Variants in ITGA9 observed in about 807,000 individuals in gnomAD.
The protein encoded by ITGA9 is integrin alpha-9.
Under a neutral mutation model 127.8 loss-of-function variants are expected in ITGA9, and 56 were observed. The observed-to-expected ratio is 0.44, with a 90% CI of 0.35 to 0.55. The LOEUF (loss-of-function observed/expected upper bound fraction) is 0.55, where lower values mean the gene tolerates loss of function less well. Ranked by LOEUF, ITGA9 falls within the 20% of genes least tolerant of loss-of-function variation. ITGA9 has a pLI of 0.00. For missense variants in ITGA9, 1,196 were observed against 1,347.1 expected (o/e 0.89, Z 1.76); for synonymous variants, 508 against 514.5 (o/e 0.99, Z 0.17).
intron 18 of ITGA9, among the ~76,000 whole-genome samples, chr3:37,718,330 C>T (rs1273659633): frequency 1.3e-5 from 2 of 152,186 alleles, no homozygotes; most frequent in Non-Finnish European, 1.5e-5. Context: ...TTGGAGCCAG[C>T]CATGGTCTGC....
intron 20 of ITGA9, among the ~76,000 whole-genome samples, chr3:37,738,770 A>G (rs1327911770): frequency 6.6e-6 from 1 of 152,226 alleles, no homozygotes; most frequent in Non-Finnish European, 1.5e-5. Flanking sequence ...GGAATGTGAC[A>G]TGGAAGAGAT....
At chr3:37,749,525 G>GTCTTA (rs750323079) in intron 22 of ITGA9, 2 of 152,278 alleles carry the variant, frequency 1.3e-5, no homozygotes, top group Non-Finnish European at 2.9e-5. Flanking sequence ...TGTCTCTAGA[G>GTCTTA]ATCTACTCAC....
At chr3:37,772,046 C>A (rs1696850975) in intron 23 of ITGA9, among the ~76,000 whole-genome samples, 1 of 152,142 alleles carries the variant, frequency 6.6e-6, no homozygotes, top group African/African-American at 2.4e-5. Flanking sequence ...CTGTGGCCTG[C>A]TACCTGGGGA....
In ITGA9 at chr3:37,670,295, C is replaced by A. The variant is rs78880234; in HGVS notation, c.1917-13570C>A. ...TATATGCCTTCAGAAACACCATGCT[C>A]ACCTTTCCTCCTGCTGTCCTAGGCT... On this transcript the variant is annotated intron_variant, in intron 17 of 27. Coordinates refer to ENST00000264741, the MANE Select transcript of ITGA9 (RefSeq NM_002207.3). Among the ~76,000 whole-genome samples the A allele has an allele frequency of 3.1e-4, 47 of 152,230 alleles. No individual in the cohort carries two copies. In the East Asian group the frequency reaches 8.7e-3, roughly 28 times the overall value.
At chr3:37,488,400 G>T (rs1698632604) in intron 4 of ITGA9, among the ~76,000 whole-genome samples, 1 of 152,044 alleles carries the variant, frequency 6.6e-6, no homozygotes, top group South Asian at 2.1e-4. Flanking sequence ...TTATGTGCCT[G>T]TATTATTACT....
chr3:37,639,717 G>A (rs935396224), intron 16 of ITGA9, among the ~76,000 whole-genome samples: 1 of 152,166 alleles, frequency 6.6e-6, no homozygotes, highest in Non-Finnish European at 1.5e-5. Flanking sequence ...TTAAGAAAGA[G>A]CTTGTTGCAG....
intron 15 of ITGA9, among the ~76,000 whole-genome samples, chr3:37,588,395 C>G (rs2125613726): frequency 6.7e-6 from 1 of 150,190 alleles, no homozygotes; most frequent in Non-Finnish European, 1.5e-5. Context: ...GTGTGGACAC[C>G]CATCCAAGCT....
intron 15 of ITGA9, among the ~76,000 whole-genome samples, chr3:37,564,228 C>T (rs1387973017): frequency 2.0e-5 from 3 of 152,086 alleles, no homozygotes; most frequent in African/African-American, 7.2e-5. Flanking sequence ...GGCTTTATGC[C>T]TTCATATACC....
chr3:37,810,438 C>CA (rs1166064088), intron 27 of ITGA9, among the ~76,000 whole-genome samples: 2 of 150,340 alleles, frequency 1.3e-5, no homozygotes, highest in Non-Finnish European at 3.0e-5. Context: ...TTTTTTTTGA[C>CA]AGAGTCTCAC....
chr3:37,553,760 C>G (rs72855879), intron 15 of ITGA9, among the ~76,000 whole-genome samples: 34,819 of 152,110 alleles, frequency 0.23, 6,591 homozygotes, highest in African/African-American at 0.52. Context: ...TCATTAGTAG[C>G]GCTTTGAGTA....
At chr3:37,549,855 A>G (rs936536901) in intron 15 of ITGA9, among the ~76,000 whole-genome samples, 3 of 152,228 alleles carry the variant, frequency 2.0e-5, no homozygotes, top group Non-Finnish European at 4.4e-5. Flanking sequence ...CCTCTCTAGT[A>G]GATAATAGTG....
intron 15 of ITGA9, among the ~76,000 whole-genome samples, chr3:37,614,997 A>G (rs1700059975): frequency 6.6e-6 from 1 of 152,170 alleles, no homozygotes; most frequent in Non-Finnish European, 1.5e-5. Flanking sequence ...AACTTCCAAC[A>G]CTATGTTGAA....
At chr3:37,523,143 T>C (rs952273246) in intron 11 of ITGA9, among the ~76,000 whole-genome samples, 1 of 152,220 alleles carries the variant, frequency 6.6e-6, no homozygotes, top group Non-Finnish European at 1.5e-5. Context: ...AAGCTAAATA[T>C]GTTCTTAGAA....
At chr3:37,798,776 T>G (rs188406235) in intron 26 of ITGA9, among the ~76,000 whole-genome samples, 162 of 152,354 alleles carry the variant, frequency 1.1e-3, no homozygotes, top group Non-Finnish European at 1.7e-3. Flanking sequence ...AGTAATTTTT[T>G]TCCTGTGACT....
At chr3:37,530,530 TA>T in intron 13 of ITGA9, among the ~76,000 whole-genome samples, 1 of 152,154 alleles carries the variant, frequency 6.6e-6, no homozygotes, top group South Asian at 2.1e-4. Flanking sequence ...AGGGCTGGCT[TA>T]GTAACCTAAC....
At chr3:37,681,847 G>T (rs561299988) in intron 17 of ITGA9, among the ~76,000 whole-genome samples, 1 of 151,412 alleles carries the variant, frequency 6.6e-6, no homozygotes, top group East Asian at 1.9e-4. Flanking sequence ...CCTCTCAAAC[G>T]TTCACCTCTT....
chr3:37,644,108 G>A (rs1046762420), intron 16 of ITGA9, among the ~76,000 whole-genome samples: 2 of 152,190 alleles, frequency 1.3e-5, no homozygotes, highest in African/African-American at 2.4e-5. Flanking sequence ...AGAGTTTTGA[G>A]CTGAAATGAA....
At chr3:37,620,050 A>G (rs573092268) in intron 15 of ITGA9, among the ~76,000 whole-genome samples, 2 of 152,296 alleles carry the variant, frequency 1.3e-5, no homozygotes, top group South Asian at 4.1e-4. Context: ...CTGATTCAGA[A>G]CTTTAATTAC....
At chr3:37,656,636 A>G (rs988886490) in intron 17 of ITGA9, among the ~76,000 whole-genome samples, 4 of 152,192 alleles carry the variant, frequency 2.6e-5, no homozygotes, top group African/African-American at 7.2e-5. Flanking sequence ...TTGTCTGCAA[A>G]CAGAGACAAT....
Sources: allele counts gnomAD v4.1 joint callset (sites outside exome capture counted in the v4.1 genomes callset), GRCh38; gene constraint gnomAD v4.1.1; transcripts MANE v1.5; gene names NCBI Gene and HGNC (gene_info 2026-07-23, HGNC 2026-07-21).